DSG2: variants seen among roughly 807,000 people sequenced by gnomAD.
The protein encoded by DSG2 is desmoglein-2.
In DSG2, 45 loss-of-function variants were observed where a neutral mutation model predicts 75.6. The observed-to-expected ratio is 0.60, with a 90% CI of 0.47 to 0.76. The LOEUF (loss-of-function observed/expected upper bound fraction) is 0.76. DSG2 is among the 30% of genes least tolerant of loss of function. DSG2 has a pLI of 0.00. For missense variants in DSG2, 1,267 were observed against 1,357.4 expected, an observed-to-expected ratio of 0.93 and a Z score of 1.05; for synonymous variants, 429 against 483.9, an observed-to-expected ratio of 0.89 and a Z score of 1.49.
At chr18:31,514,409 A>G (rs779217297) in intron 1 of DSG2, among the ~76,000 whole-genome samples, 1 of 152,246 alleles carries the variant, frequency 6.6e-6, no homozygotes, top group African/African-American at 2.4e-5. Context: ...TTTGCAATTT[A>G]AAGTGATTTT....
At chr18:31,526,079 G>A (rs950494599) in intron 8 of DSG2, among the ~76,000 whole-genome samples, 1 of 152,176 alleles carries the variant, frequency 6.6e-6, no homozygotes, top group African/African-American at 2.4e-5. Context: ...GGGAGGCGGA[G>A]GTTGCAGTGA....
chr18:31,525,623 A>C (rs1356960098), intron 8 of DSG2, among the ~76,000 whole-genome samples: 1 of 152,118 alleles, frequency 6.6e-6, no homozygotes, highest in Non-Finnish European at 1.5e-5. Flanking sequence ...CCTAAGAATC[A>C]CCTCATAAAA....
intron 1 of DSG2, among the ~76,000 whole-genome samples, chr18:31,504,177 C>G (rs2073027518): frequency 6.6e-6 from 1 of 152,166 alleles, no homozygotes. Context: ...TTTCATCAGT[C>G]AAGGAGTTTC....
chr18:31,521,929 C>T (rs1350343909), intron 5 of DSG2, among the ~76,000 whole-genome samples, 154 bp from the exon 6 acceptor site: 2 of 152,148 alleles, frequency 1.3e-5, no homozygotes, highest in Non-Finnish European at 2.9e-5. Flanking sequence ...CGCTTATGTC[C>T]TCATCCAGTT....
chr18:31,510,457 A>G (rs942916391), intron 1 of DSG2, among the ~76,000 whole-genome samples: 4 of 152,212 alleles, frequency 2.6e-5, no homozygotes, highest in Non-Finnish European at 5.9e-5. Context: ...CCAGTGACTC[A>G]TGAGTCCTTC....
At chr18:31,525,353 G>GA (rs1303944124) in intron 8 of DSG2, among the ~76,000 whole-genome samples, 1 of 150,798 alleles carries the variant, frequency 6.6e-6, no homozygotes, top group African/African-American at 2.4e-5. Flanking sequence ...CCGCTTCTAC[G>GA]AAAAAAAATA....
rs759125769 is a variant in DSG2, at chr18:31,548,222, T to C, written c.*1479T>C. Reference sequence around the variant, plus strand: ...ATTTTTTTACAAATCATTTGGGTTATCTCCTAAATAGGTTATATTTTATTG... The same window carrying C: ...ATTTTTTTACAAATCATTTGGGTTACCTCCTAAATAGGTTATATTTTATTG... On this transcript the variant is annotated 3_prime_UTR_variant, in exon 15 of 15. Coordinates refer to ENST00000261590, the MANE Select transcript of DSG2 (RefSeq NM_001943.5). 5 of 152,172 alleles carry C rather than the reference T, an allele frequency of 3.3e-5. No individual in the cohort carries two copies. Among genetic ancestry groups the C allele is most frequent in the African/African-American group, 1.2e-4 (5 of 41,434 alleles). The allele number at this position is 152,172 out of a possible 1,614,324, so 9.4% of individuals were successfully genotyped here. A position where few individuals can be genotyped will look rare whatever the true frequency, so the allele number is the denominator to read the frequency against.
In DSG2 at chr18:31,547,146, T is replaced by C. The variant is rs2073318566; in HGVS notation, c.*403T>C. The C allele has an allele frequency of 1.2e-5, 4 of 344,160 alleles. No individual in the cohort carries two copies. Among genetic ancestry groups the C allele is most frequent in the Non-Finnish European group, 2.2e-5 (4 of 177,946 alleles). The allele number at this position is 344,160 out of a possible 1,614,324, so 21.3% of individuals were successfully genotyped here. A position where few individuals can be genotyped will look rare whatever the true frequency, so the allele number is the denominator to read the frequency against. ...TGCCTACCGTATTAACATTAAACAT[T>C]GATGTTCTGTATTCTGTACTTTACT... is the stretch of plus-strand genomic sequence containing the variant. On this transcript the variant is annotated 3_prime_UTR_variant, in exon 15 of 15. Coordinates refer to ENST00000261590, the MANE Select transcript of DSG2 (RefSeq NM_001943.5).
rs1472037685 is a variant in DSG2, at chr18:31,521,098, G to A, written c.379-1G>A. 6.2e-7 allele frequency: 1 copy of A among 1,613,666 alleles called. No individual in the cohort carries two copies. The highest frequency in any genetic ancestry group is 8.5e-7 in the Non-Finnish European group (1 of 1,179,910). On this transcript the variant is annotated splice_acceptor_variant, in intron 4 of 14. Transcript: ENST00000261590. LOFTEE classifies it high-confidence loss of function. ...TAATCTTATTTATGTCATGATTTCAGCTAACAGGTTACGCTTTGGATGCAA... is the reference window on the plus strand; with the variant it reads ...TAATCTTATTTATGTCATGATTTCAACTAACAGGTTACGCTTTGGATGCAA...
At chr18:31,518,172 A>C in intron 1 of DSG2, 67 bp from the exon 2 acceptor site, 1 of 1,265,550 alleles carries the variant, frequency 7.9e-7, no homozygotes, top group Non-Finnish European at 1.2e-6. Context: ...TAGGTTATTC[A>C]TGAACAATGT....
At chr18:31,499,817 A>G (rs1345496682) in intron 1 of DSG2, among the ~76,000 whole-genome samples, 7 of 152,194 alleles carry the variant, frequency 4.6e-5, no homozygotes, top group African/African-American at 1.7e-4. Flanking sequence ...CATATCTTTC[A>G]TTTTAGCAAT....
At chr18:31,518,131 AC>A in intron 1 of DSG2, 107 bp from the exon 2 acceptor site, 1 of 917,434 alleles carries the variant, frequency 1.1e-6, no homozygotes. Flanking sequence ...TAGTGGTTAA[AC>A]TTTTTTTATG....
In DSG2 at chr18:31,544,147, A is replaced by T. The variant is rs181820145; in HGVS notation, c.2334+1295A>T. On this transcript the variant is annotated intron_variant, in intron 14 of 14. Coordinates refer to ENST00000261590, the MANE Select transcript of DSG2 (RefSeq NM_001943.5). ...GACAGAATCAGTAAGCATATAGAAA[A>T]CTTAGTACTGTGAACCAAATGGATC... is the stretch of plus-strand genomic sequence containing the variant. 3.9e-5 allele frequency among the ~76,000 whole-genome samples: 6 copies of T among 152,314 alleles called. No individual in the cohort carries two copies. The East Asian group carries it at 1.2e-3, about 29-fold the overall frequency.
At chr18:31,503,835 A>C (rs1598801878) in intron 1 of DSG2, among the ~76,000 whole-genome samples, 2 of 152,132 alleles carry the variant, frequency 1.3e-5, no homozygotes, top group Admixed American at 1.3e-4. Flanking sequence ...TTTGGTTGTC[A>C]CAGTGCCTGA....
rs1568104775 is a variant in DSG2, at chr18:31,519,832, G to T, written c.111G>T (p.Leu37=). ...TAAGCACAAGAAATGAAAATAAGCT[G>T]CTTCCTAAACATCCTCATTTAGTGC... ...QVLSTRNENK[L]LPKHPHLVRQ... is the part of the protein sequence containing the mutation. The change falls in exon 3 of 15, where the codon CTG becomes CTT. Residue 37 remains leucine, a synonymous_variant. Coordinates refer to ENST00000261590, the MANE Select transcript of DSG2 (RefSeq NM_001943.5). 1 of 1,614,158 alleles carries T rather than the reference G, an allele frequency of 6.2e-7. No individual in the cohort carries two copies. Among genetic ancestry groups the T allele is most frequent in the East Asian group, 2.2e-5 (1 of 44,880 alleles).
At chr18:31,508,999 C>T (rs1412213194) in intron 1 of DSG2, among the ~76,000 whole-genome samples, 1 of 152,050 alleles carries the variant, frequency 6.6e-6, no homozygotes, top group Non-Finnish European at 1.5e-5. Context: ...TAATGCCACT[C>T]AAGCTTGAAA....
At chr18:31,545,574 T>C in intron 14 of DSG2, 147 bp from the exon 15 acceptor site, 2 of 972,788 alleles carry the variant, frequency 2.1e-6, no homozygotes, top group Non-Finnish European at 3.1e-6. Flanking sequence ...GTAGGATCTC[T>C]CTCAATTTGT....
chr18:31,504,188 C>T (rs1249452161), intron 1 of DSG2, among the ~76,000 whole-genome samples: 3 of 152,166 alleles, frequency 2.0e-5, no homozygotes, highest in Non-Finnish European at 4.4e-5. Context: ...AAGGAGTTTC[C>T]ATCTGGCTGA....
Position 31,518,278 on chromosome 18 carries a change from AGG to A in DSG2, c.81+5_81+6del, listed in dbSNP as rs753541660. 8.7e-6 allele frequency: 14 copies of A among 1,611,962 alleles called. No individual in the cohort carries two copies. In the South Asian group the frequency reaches 1.4e-4, roughly 16 times the overall value. On this transcript the variant is annotated splice_donor_5th_base_variant and intron_variant, in intron 2 of 14. Coordinates refer to ENST00000261590, the MANE Select transcript of DSG2 (RefSeq NM_001943.5). Reference sequence around the variant, plus strand: ...TGGAAGTGGACTTCACTTACAGGTGAGGAAACAAAGGGATTATTTCTGCCTTC... The same window carrying A: ...TGGAAGTGGACTTCACTTACAGGTGAAAACAAAGGGATTATTTCTGCCTTC...
Sources: gnomAD v4.1 joint callset for allele counts (sites outside exome capture counted in the v4.1 genomes callset) on GRCh38, gnomAD v4.1.1 for gene constraint, MANE v1.5 for transcripts, NCBI Gene and HGNC (gene_info 2026-07-23, HGNC 2026-07-21) for gene names.